DLGAP1: variants seen among roughly 807,000 people sequenced by gnomAD.
DLGAP1 encodes the protein disks large-associated protein 1.
Under a neutral mutation model 90.8 loss-of-function variants are expected in DLGAP1, and 11 were observed. That is an observed-to-expected ratio of 0.12 (90% CI 0.08 to 0.20). The LOEUF (loss-of-function observed/expected upper bound fraction) is 0.20, where lower values mean the gene tolerates loss of function less well. Among genes scored for constraint, DLGAP1 ranks in the 10% least tolerant of loss-of-function variants. The probability of loss-of-function intolerance (pLI) is 1.00; values close to 1 mark genes in which losing one functional copy is unlikely to be tolerated. For missense variants in DLGAP1, 1,050 were observed against 1,333.8 expected, an observed-to-expected ratio of 0.79 and a Z score of 3.31; for synonymous variants, 558 against 540.7, an observed-to-expected ratio of 1.03 and a Z score of -0.44.
intron 1 of DLGAP1, among the ~76,000 whole-genome samples, chr18:4,227,009 T>C (rs554045532): frequency 6.6e-6 from 1 of 151,698 alleles, no homozygotes; most frequent in East Asian, 1.9e-4. Flanking sequence ...ATAAAAGGGA[T>C]GGAAAAAGAT....
chr18:4,427,054 T>G (rs866947838), intron 1 of DLGAP1, among the ~76,000 whole-genome samples: 1 of 152,218 alleles, frequency 6.6e-6, no homozygotes, highest in South Asian at 2.1e-4. Flanking sequence ...TGTAGTTTGT[T>G]TGGTGTGATA....
At chr18:3,633,071 A>T (rs1321236407) in intron 7 of DLGAP1, among the ~76,000 whole-genome samples, 1 of 152,188 alleles carries the variant, frequency 6.6e-6, no homozygotes, top group Non-Finnish European at 1.5e-5. Flanking sequence ...TTTGGGCTTT[A>T]AAGTCTGCTT....
At chr18:4,371,226 T>A in intron 1 of DLGAP1, among the ~76,000 whole-genome samples, 1 of 152,076 alleles carries the variant, frequency 6.6e-6, no homozygotes, top group Non-Finnish European at 1.5e-5. Flanking sequence ...AACAGACAAA[T>A]GAATATAAAT....
rs2083894578 is a variant in DLGAP1 at position 4,453,793 on chromosome 18, G to C, written c.-267+1213C>G. Among the ~76,000 whole-genome samples, 3 of 152,240 alleles carry C rather than the reference G, an allele frequency of 2.0e-5. No individual in the cohort carries two copies. The South Asian group carries it at 6.2e-4, about 32-fold the overall frequency. On this transcript the variant is annotated intron_variant, in intron 1 of 12. Transcript: ENST00000315677. The stretch of plus-strand genomic sequence containing the variant: ...CTTCACGTGTTATGGAAGGAGGCAG[G>C]GAGCATTCACCTCCCACGACCGGGA...
chr18:3,607,953 CT>C, intron 7 of DLGAP1: 1 of 152,356 alleles, frequency 6.6e-6, no homozygotes, highest in Non-Finnish European at 1.5e-5. Flanking sequence ...CAGGGACATC[CT>C]TTTTCTTCCT....
At chr18:4,413,769 G>A (rs968842155) in intron 1 of DLGAP1, among the ~76,000 whole-genome samples, 4 of 152,306 alleles carry the variant, frequency 2.6e-5, no homozygotes, top group African/African-American at 9.6e-5. Flanking sequence ...CTGGAGAAAT[G>A]ATAATGTTCT....
intron 7 of DLGAP1, among the ~76,000 whole-genome samples, chr18:3,687,877 T>G (rs984760246): frequency 6.0e-5 from 9 of 151,118 alleles, no homozygotes; most frequent in African/African-American, 2.2e-4. Context: ...TTTATAATAA[T>G]GAGTATAATT....
chr18:3,598,587 C>A (rs2056726723), intron 7 of DLGAP1, among the ~76,000 whole-genome samples: 1 of 150,730 alleles, frequency 6.6e-6, no homozygotes, highest in Admixed American at 6.6e-5. Context: ...CCTGACTCAG[C>A]CTCCCTAGTA....
chr18:3,974,199 C>T (rs1279221414), intron 3 of DLGAP1, among the ~76,000 whole-genome samples: 1 of 152,070 alleles, frequency 6.6e-6, no homozygotes, highest in Non-Finnish European at 1.5e-5. Context: ...CTCAGCCTCC[C>T]GAGTAGCTGG....
intron 3 of DLGAP1, among the ~76,000 whole-genome samples, chr18:3,982,755 C>G (rs1336276245): frequency 3.3e-5 from 5 of 152,150 alleles, no homozygotes; most frequent in African/African-American, 9.7e-5. Flanking sequence ...TTGGTATATT[C>G]TACAACATTC....
intron 2 of DLGAP1, among the ~76,000 whole-genome samples, chr18:4,067,156 C>T (rs1189050868): frequency 6.6e-6 from 1 of 151,812 alleles, no homozygotes; most frequent in East Asian, 1.9e-4. Context: ...TGGGGAACAA[C>T]AGACACTGGG....
At chr18:4,088,429 T>TCG (rs71160943) in intron 2 of DLGAP1, among the ~76,000 whole-genome samples, 6,044 of 148,394 alleles carry the variant, frequency 0.041, 393 homozygotes, top group African/African-American at 0.15. Flanking sequence ...TAATTTTCCT[T>TCG]TGTGTGTGTG....
chr18:3,892,797 G>C (rs78418068), intron 3 of DLGAP1, among the ~76,000 whole-genome samples: 2,080 of 151,802 alleles, frequency 0.014, 51 homozygotes, highest in African/African-American at 0.048. Flanking sequence ...ATTCTTCAAA[G>C]ACAAGGTTTT....
chr18:4,423,958 C>T (rs2083097436), intron 1 of DLGAP1, among the ~76,000 whole-genome samples: 1 of 151,578 alleles, frequency 6.6e-6, no homozygotes, highest in African/African-American at 2.4e-5. Flanking sequence ...TCAAGACCAG[C>T]CTGAACTACA....
intron 7 of DLGAP1, among the ~76,000 whole-genome samples, chr18:3,619,632 C>T (rs1450069454): frequency 6.6e-6 from 1 of 152,166 alleles, no homozygotes; most frequent in Non-Finnish European, 1.5e-5. Context: ...TTTCCCACCA[C>T]CCCGTCCTGC....
chr18:4,445,438 C>A (rs2083639530), intron 1 of DLGAP1, among the ~76,000 whole-genome samples: 1 of 105,374 alleles, frequency 9.5e-6, no homozygotes, highest in African/African-American at 3.7e-5. Context: ...CCAATGCTAT[C>A]CCTCCCCCCT....
At chr18:3,670,304 C>A (rs2060043091) in intron 7 of DLGAP1, among the ~76,000 whole-genome samples, 1 of 147,768 alleles carries the variant, frequency 6.8e-6, no homozygotes, top group South Asian at 2.1e-4. Flanking sequence ...CTGTGGGAGA[C>A]TGGAAACATA....
chr18:3,929,676 T>C (rs1169625507), intron 3 of DLGAP1, among the ~76,000 whole-genome samples: 2 of 152,202 alleles, frequency 1.3e-5, no homozygotes, highest in African/African-American at 4.8e-5. Flanking sequence ...CATGTTCTAT[T>C]CCTATGATAT....
chr18:3,860,150 G>A (rs1472925986), intron 4 of DLGAP1, among the ~76,000 whole-genome samples: 2 of 148,640 alleles, frequency 1.3e-5, no homozygotes, highest in African/African-American at 5.0e-5. Context: ...CTAAATTGGG[G>A]GCATTTTGTT....
Sources: gnomAD v4.1 joint callset for allele counts (sites outside exome capture counted in the v4.1 genomes callset) on GRCh38, gnomAD v4.1.1 for gene constraint, MANE v1.5 for transcripts, NCBI Gene and HGNC (gene_info 2026-07-23, HGNC 2026-07-21) for gene names.